BNC2: variants seen among roughly 807,000 people sequenced by gnomAD.
BNC2 encodes the protein basonuclin zinc finger protein 2, also known as zinc finger protein basonuclin-2.
Under a neutral mutation model 76.3 loss-of-function variants are expected in BNC2, and 20 were observed. The ratio of observed to expected loss-of-function variants is 0.26; its 90% CI spans 0.18 to 0.38. The LOEUF (loss-of-function observed/expected upper bound fraction) is 0.38, where lower values mean the gene tolerates loss of function less well. Ranked by LOEUF, BNC2 falls within the 10% of genes least tolerant of loss-of-function variation. BNC2 has a pLI of 1.00. For synonymous variants in BNC2, 582 were observed against 514.8 expected (o/e 1.13, Z -1.77); for missense variants, 1,382 against 1,399.8 (o/e 0.99, Z 0.20).
intron 3 of BNC2, among the ~76,000 whole-genome samples, chr9:16,595,128 G>C (rs1820030844): frequency 1.3e-5 from 2 of 152,064 alleles, no homozygotes; most frequent in South Asian, 4.1e-4. Flanking sequence ...GTCAAAATCT[G>C]AAAACAGTGA....
At chr9:16,762,794 C>T (rs879944951) in intron 1 of BNC2, among the ~76,000 whole-genome samples, 1 of 152,076 alleles carries the variant, frequency 6.6e-6, no homozygotes, top group Non-Finnish European at 1.5e-5. Flanking sequence ...TAAAAAGTGC[C>T]CCCTTTGTAT....
chr9:16,529,237 G>A (rs1180705187), intron 5 of BNC2, among the ~76,000 whole-genome samples: 1 of 152,112 alleles, frequency 6.6e-6, no homozygotes, highest in African/African-American at 2.4e-5. Flanking sequence ...ACAGGCTCCA[G>A]GGATTTGACA....
Position 16,790,036 on chromosome 9 carries a change from G to C in BNC2, c.4-51551C>G, listed in dbSNP as rs139981985. Among the ~76,000 whole-genome samples, 718 of 152,284 alleles carry C rather than the reference G, an allele frequency of 4.7e-3. 23 individuals carry two copies. The East Asian group carries it at 0.075, about 16-fold the overall frequency. ...TTTTTTTGAGATGGAGTCTCGCTCT[G>C]TCGCCTAGGCTGGAGTGCAGTGGCG... On this transcript the variant is annotated intron_variant, in intron 1 of 6. Coordinates refer to ENST00000380672, the MANE Select transcript of BNC2 (RefSeq NM_017637.6).
rs549816847 is a variant in BNC2 at position 16,596,437 on chromosome 9, G to A, written c.331-13352C>T. Among the ~76,000 whole-genome samples, 544 of 151,932 alleles carry A rather than the reference G, an allele frequency of 3.6e-3. 3 individuals are homozygous for A. Among genetic ancestry groups the A allele is most frequent in the African/African-American group, 0.012 (507 of 41,448 alleles). On this transcript the variant is annotated intron_variant, in intron 3 of 6. Coordinates refer to ENST00000380672, the MANE Select transcript of BNC2 (RefSeq NM_017637.6). ...CCCCTCCAGATATCTACACACACTA[G>A]GTAAATTGCAAAACCCGATTTCTAA...
At chr9:16,747,337 A>G (rs1825039392) in intron 1 of BNC2, among the ~76,000 whole-genome samples, 1 of 66,636 alleles carries the variant, frequency 1.5e-5, no homozygotes, top group African/African-American at 4.3e-5. Flanking sequence ...TGCAAGTTTT[A>G]TAAAAGATAC....
intron 6 of BNC2, among the ~76,000 whole-genome samples, chr9:16,430,476 G>C (rs1008396752): frequency 6.6e-6 from 1 of 152,132 alleles, no homozygotes; most frequent in Non-Finnish European, 1.5e-5. Context: ...TTACTGAAAA[G>C]CCCTCCCTAG....
At chr9:16,485,682 C>T (rs906785153) in intron 5 of BNC2, among the ~76,000 whole-genome samples, 2 of 152,036 alleles carry the variant, frequency 1.3e-5, no homozygotes, top group Non-Finnish European at 1.5e-5. Flanking sequence ...AACAGAGAAG[C>T]GTGGTGGTGC....
chr9:16,623,917 A>T (rs192495509), intron 3 of BNC2, among the ~76,000 whole-genome samples: 36 of 152,320 alleles, frequency 2.4e-4, no homozygotes, highest in Admixed American at 4.6e-4. Context: ...ATGTTTCTTA[A>T]AACAGAGAAC....
chr9:16,706,577 A>C (rs1043785767), intron 3 of BNC2, among the ~76,000 whole-genome samples: 6 of 152,212 alleles, frequency 3.9e-5, no homozygotes, highest in Admixed American at 2.6e-4. Context: ...TGCACATATA[A>C]AATAAAACCA....
At chr9:16,513,163 T>A (rs1365708807) in intron 5 of BNC2, among the ~76,000 whole-genome samples, 2 of 151,888 alleles carry the variant, frequency 1.3e-5, no homozygotes, top group Non-Finnish European at 2.9e-5. Flanking sequence ...AAGAAAAACA[T>A]AATAATGAAA....
chr9:16,536,583 T>C (rs1482218472), intron 5 of BNC2, among the ~76,000 whole-genome samples: 1 of 152,170 alleles, frequency 6.6e-6, no homozygotes, highest in Non-Finnish European at 1.5e-5. Flanking sequence ...ATTCCCCTTC[T>C]CCTTCAGTCT....
chr9:16,705,378 G>A (rs1160413986), intron 3 of BNC2, among the ~76,000 whole-genome samples: 1 of 152,158 alleles, frequency 6.6e-6, no homozygotes, highest in Non-Finnish European at 1.5e-5. Context: ...CCCACACACT[G>A]AGCACAGAGG....
At chr9:16,570,731 T>A (rs1018139926) in intron 4 of BNC2, among the ~76,000 whole-genome samples, 10 of 152,162 alleles carry the variant, frequency 6.6e-5, no homozygotes, top group Non-Finnish European at 2.9e-5. Flanking sequence ...AAAGTTACCA[T>A]CCCATTCTCT....
intron 5 of BNC2, among the ~76,000 whole-genome samples, chr9:16,519,910 T>A (rs1007722756): frequency 6.6e-6 from 1 of 152,128 alleles, no homozygotes; most frequent in African/African-American, 2.4e-5. Context: ...CAGATGACCA[T>A]ACCCACGAGA....
chr9:16,619,839 G>T (rs1166883274), intron 3 of BNC2, among the ~76,000 whole-genome samples: 1 of 152,048 alleles, frequency 6.6e-6, no homozygotes. Context: ...GGGGGAAAGG[G>T]GATTTTAAAA....
At chr9:16,604,032 A>G (rs1563859130) in intron 3 of BNC2, among the ~76,000 whole-genome samples, 1 of 152,186 alleles carries the variant, frequency 6.6e-6, no homozygotes, top group Non-Finnish European at 1.5e-5. Flanking sequence ...ATACTAAATA[A>G]CATCCTAAAT....
intron 3 of BNC2, among the ~76,000 whole-genome samples, chr9:16,584,104 G>A (rs1006961702): frequency 4.6e-5 from 7 of 152,012 alleles, no homozygotes; most frequent in African/African-American, 9.7e-5. Flanking sequence ...CTGATCATTC[G>A]CAGATTAACA....
At position 16,625,590 on chromosome 9, in the gene BNC2, T is replaced by A. The variant is rs559193145; in HGVS notation, c.331-42505A>T. 4 of 152,248 alleles carry A rather than the reference T, an allele frequency of 2.6e-5. No homozygotes were observed. The East Asian group carries it at 7.7e-4, about 29-fold the overall frequency. 9.4% of individuals were successfully genotyped at this position (152,248 alleles called of 1,614,324 possible). On this transcript the variant is annotated intron_variant, in intron 3 of 6. Transcript: ENST00000380672. ...AGTGAAAAGCGGAATCCACTGGCGT[T>A]TTAAAAACTGCACAGCCGGCTTATT...
chr9:16,750,696 C>T (rs1043117451), intron 1 of BNC2, among the ~76,000 whole-genome samples: 3 of 152,216 alleles, frequency 2.0e-5, no homozygotes, highest in Non-Finnish European at 2.9e-5. Flanking sequence ...TTGCCAAAAC[C>T]GCTGCCACCC....
Sources: allele counts gnomAD v4.1 joint callset (sites outside exome capture counted in the v4.1 genomes callset), GRCh38; gene constraint gnomAD v4.1.1; transcripts MANE v1.5; gene names NCBI Gene and HGNC (gene_info 2026-07-23, HGNC 2026-07-21).